Variants in SSBP2 observed in about 807,000 individuals in gnomAD.
The protein encoded by SSBP2 is single stranded DNA binding protein 2, also known as single-stranded DNA-binding protein 2.
Under a neutral mutation model 61.8 loss-of-function variants are expected in SSBP2, and 17 were observed. That is an observed-to-expected ratio of 0.28 (90% CI 0.19 to 0.41). The LOEUF is 0.41. Ranked by LOEUF, SSBP2 falls within the 10% of genes least tolerant of loss-of-function variation. The pLI is 1.00. For missense variants in SSBP2, 310 were observed against 458.7 expected (o/e 0.68, Z 2.96); for synonymous variants, 139 against 141.3 (o/e 0.98, Z 0.12).
At chr5:81,725,880 T>G (rs939492636) in intron 1 of SSBP2, among the ~76,000 whole-genome samples, 1 of 152,134 alleles carries the variant, frequency 6.6e-6, no homozygotes, top group Non-Finnish European at 1.5e-5. Context: ...TGCTGGATGA[T>G]GGACACATGG....
chr5:81,530,867 A>G (rs1770338145), intron 4 of SSBP2, among the ~76,000 whole-genome samples: 1 of 152,062 alleles, frequency 6.6e-6, no homozygotes, highest in South Asian at 2.1e-4. Context: ...TGCAAAAAGT[A>G]GGTATTCAAA....
intron 5 of SSBP2, among the ~76,000 whole-genome samples, chr5:81,492,518 CA>C (rs1354202677): frequency 6.6e-6 from 1 of 150,864 alleles, no homozygotes; most frequent in Non-Finnish European, 1.5e-5. Context: ...CAAAACGAAA[CA>C]AAAAAACAGG....
At chr5:81,689,852 A>C (rs1464049435) in intron 1 of SSBP2, among the ~76,000 whole-genome samples, 1 of 152,138 alleles carries the variant, frequency 6.6e-6, no homozygotes, top group East Asian at 1.9e-4. Context: ...TATCTGGAGT[A>C]GAAAAACTAA....
chr5:81,690,719 T>C (rs983102852), intron 1 of SSBP2, among the ~76,000 whole-genome samples: 4 of 152,104 alleles, frequency 2.6e-5, no homozygotes, highest in Non-Finnish European at 5.9e-5. Flanking sequence ...ATAGGCCAAA[T>C]GGACCTAATA....
intron 1 of SSBP2, among the ~76,000 whole-genome samples, chr5:81,655,474 T>C (rs1288619506): frequency 6.6e-6 from 1 of 152,166 alleles, no homozygotes. Context: ...ATCATACATC[T>C]TTAAATTATC....
intron 4 of SSBP2, among the ~76,000 whole-genome samples, chr5:81,516,914 T>C (rs564696242): frequency 2.0e-5 from 3 of 152,194 alleles, no homozygotes; most frequent in South Asian, 4.1e-4. Context: ...GAGTCAAATT[T>C]ATCCATGATC....
At chr5:81,692,593 C>CTG (rs1364061716) in intron 1 of SSBP2, among the ~76,000 whole-genome samples, 10 of 152,110 alleles carry the variant, frequency 6.6e-5, no homozygotes, top group African/African-American at 2.2e-4. Flanking sequence ...ATCACATTAC[C>CTG]TGACTTCAAA....
intron 3 of SSBP2, among the ~76,000 whole-genome samples, chr5:81,619,449 G>A (rs1244144777): frequency 2.2e-4 from 18 of 80,866 alleles, no homozygotes; most frequent in African/African-American, 9.7e-4. Flanking sequence ...CTCTGAAATT[G>A]TGGCAATAAT....
intron 2 of SSBP2, among the ~76,000 whole-genome samples, chr5:81,646,442 G>A (rs1749271928): frequency 6.6e-6 from 1 of 152,014 alleles, no homozygotes; most frequent in African/African-American, 2.4e-5. Flanking sequence ...GTAAAAACCT[G>A]GGGGTAGACT....
At chr5:81,628,814 A>G (rs1261553546) in intron 3 of SSBP2, among the ~76,000 whole-genome samples, 1 of 152,180 alleles carries the variant, frequency 6.6e-6, no homozygotes, top group African/African-American at 2.4e-5. Context: ...TTAAAGACAG[A>G]AATTCCCCCT....
intron 5 of SSBP2, among the ~76,000 whole-genome samples, chr5:81,493,292 AGATAGATAGATT>A (rs1444774261): frequency 1.1e-4 from 15 of 141,652 alleles, no homozygotes; most frequent in Admixed American, 5.8e-4. Flanking sequence ...ATAGATAGAT[AGATAGATAGATT>A]AACAGGGTCT....
At chr5:81,704,333 T>G (rs1019166499) in intron 1 of SSBP2, among the ~76,000 whole-genome samples, 3 of 152,172 alleles carry the variant, frequency 2.0e-5, no homozygotes, top group African/African-American at 7.2e-5. Flanking sequence ...CTGGCTCCCA[T>G]TTCTCTGACA....
intron 4 of SSBP2, among the ~76,000 whole-genome samples, chr5:81,559,248 G>A (rs1042592979): frequency 2.0e-5 from 3 of 152,080 alleles, no homozygotes; most frequent in Middle Eastern, 3.2e-3. Context: ...TCAGCCGGGC[G>A]TGGTGGGCCG....
rs543377012 is a variant in SSBP2 at position 81,415,214 on chromosome 5, C to G, written c.*5290G>C. On this transcript the variant is annotated 3_prime_UTR_variant, in exon 17 of 17. Transcript: ENST00000320672. ...ACCTTGTCCCCCATACTGGATTACT[C>G]CCTCCCATACTATACATTCACTGGC... is the stretch of plus-strand genomic sequence containing the variant. The G allele has an allele frequency of 6.6e-6, 1 of 152,150 alleles. No homozygotes were observed. Among genetic ancestry groups the G allele is most frequent in the Non-Finnish European group, 1.5e-5 (1 of 68,026 alleles). The allele number at this position is 152,150 out of a possible 1,614,324, so 9.4% of individuals were successfully genotyped here.
intron 16 of SSBP2, among the ~76,000 whole-genome samples, chr5:81,421,397 T>C (rs1273419984): frequency 2.0e-5 from 3 of 152,130 alleles, no homozygotes; most frequent in Non-Finnish European, 2.9e-5. Flanking sequence ...TTCACCATGT[T>C]GCCCAGGCTG....
chr5:81,702,583 T>A (rs1171669922), intron 1 of SSBP2, among the ~76,000 whole-genome samples: 3 of 151,120 alleles, frequency 2.0e-5, no homozygotes, highest in East Asian at 3.9e-4. Context: ...AGGAATGCTA[T>A]TTTTTTTTGA....
chr5:81,749,921 TCCCCTCCCACAAA>T (rs1219670018), intron 1 of SSBP2, among the ~76,000 whole-genome samples: 1 of 151,712 alleles, frequency 6.6e-6, no homozygotes, highest in African/African-American at 2.4e-5. Context: ...TGAACGCTTC[TCCCCTCCCACAAA>T]CCCCTTTTCG....
intron 1 of SSBP2, among the ~76,000 whole-genome samples, chr5:81,742,865 G>A (rs1046303797): frequency 1.2e-4 from 18 of 151,934 alleles, no homozygotes; most frequent in African/African-American, 4.4e-4. Flanking sequence ...GGGCAAAAGA[G>A]CAAAACTCCA....
At chr5:81,456,604 A>G (rs1002612341) in intron 10 of SSBP2, among the ~76,000 whole-genome samples, 1 of 152,156 alleles carries the variant, frequency 6.6e-6, no homozygotes, top group African/African-American at 2.4e-5. Context: ...AAAGAAAAAA[A>G]AAAGAAAAAT....
Sources: allele counts gnomAD v4.1 joint callset (sites outside exome capture counted in the v4.1 genomes callset), GRCh38; gene constraint gnomAD v4.1.1; transcripts MANE v1.5; gene names NCBI Gene and HGNC (gene_info 2026-07-23, HGNC 2026-07-21).